ZNF320: variants seen among roughly 807,000 people sequenced by gnomAD.
ZNF320 encodes the protein zinc finger protein 320, also known as zinc finger gene 320.
A neutral mutation model predicts 6.8 loss-of-function variants in ZNF320; 2 were observed. The observed-to-expected ratio is 0.29, with a 90% confidence interval of 0.12 to 0.93. ZNF320 has a LOEUF of 0.93. Ranked by LOEUF, ZNF320 falls within the 40% of genes least tolerant of loss-of-function variation. The pLI is 0.55. For missense variants in ZNF320, 472 were observed against 611.0 expected (o/e 0.77, Z 2.40); for synonymous variants, 208 against 203.2 (o/e 1.02, Z -0.20).
At chr19:52,883,411 T>G (rs1190253115) in intron 5 of ZNF320, among the ~76,000 whole-genome samples, 1 of 151,986 alleles carries the variant, frequency 6.6e-6, no homozygotes, top group African/African-American at 2.4e-5. Context: ...GAATACCACA[T>G]ACCAAAAACT....
In ZNF320 at chr19:52,880,932, C is replaced by T. The variant is rs6509701; in HGVS notation, c.1194G>A (p.Ala398=). ...GAAGTTTTTGATGACATGCGAGGTA[C>T]GCTTTTGTACTAAAAACCTTGCCAC... ...NECGKVFSTK[A]YLACHQKLHT... Residue 398 remains alanine (A), a synonymous_variant, in exon 6 of 6, where the codon GCG becomes GCA. Transcript: ENST00000682928. 0.68 allele frequency: 1,092,646 copies of T among 1,613,686 alleles called. 374,867 individuals carry two copies. Among genetic ancestry groups the T allele is most frequent in the Non-Finnish European group, 0.7 (828,715 of 1,179,892 alleles).
At chr19:52,898,401 CG>C (rs779917859), upstream of ZNF320, among the ~76,000 whole-genome samples, 6 of 152,136 alleles carry the variant, frequency 3.9e-5, no homozygotes, top group African/African-American at 7.2e-5. Context: ...GCCGCAAGAC[CG>C]CTGAGCCCGG....
intron 5 of ZNF320, chr19:52,865,470 T>TATATATATATGTAA (rs1414636050): frequency 4.5e-4 from 18 of 40,334 alleles, no homozygotes; most frequent in African/African-American, 1.8e-3. Context: ...TATATATATA[T>TATATATATATGTAA]TACATATATA....
chr19:52,899,383 TAGTA>T (rs372551351), upstream of ZNF320, among the ~76,000 whole-genome samples: 408 of 152,158 alleles, frequency 2.7e-3, 3 homozygotes, highest in African/African-American at 9.1e-3. Flanking sequence ...AGACAACAAT[TAGTA>T]AGGTTAAATT....
downstream of ZNF320, among the ~76,000 whole-genome samples, chr19:52,860,297 G>T (rs1401570946): frequency 6.6e-6 from 1 of 152,012 alleles, no homozygotes. Flanking sequence ...TTATTATTTT[G>T]TTGATTTAAA....
downstream of ZNF320, among the ~76,000 whole-genome samples, chr19:52,871,838 A>C (rs2063685899): frequency 1.3e-5 from 2 of 152,198 alleles, no homozygotes; most frequent in Non-Finnish European, 2.9e-5. Context: ...CCCATCCTTC[A>C]ACATCTGCAG....
In ZNF320 at chr19:52,879,057, T is replaced by C. The variant is rs1441639220; in HGVS notation, c.*1539A>G. On this transcript the variant is annotated 3_prime_UTR_variant, in exon 6 of 6. Transcript: ENST00000682928. ...TACATTGCCTTGATTGAGTCTCTTT[T>C]CAAACTCATGTCTTACCCATCTGAG... 1 of 152,200 alleles carries C rather than the reference T, an allele frequency of 6.6e-6. No homozygotes were observed. Among genetic ancestry groups the C allele is most frequent in the Admixed American group, 6.5e-5 (1 of 15,278 alleles). The allele number at this position is 152,200 out of a possible 1,614,324, so 9.4% of individuals were successfully genotyped here. A position where few individuals can be genotyped will look rare whatever the true frequency, so the allele number is the denominator to read the frequency against.
rs8100138 is a variant in ZNF320 at position 52,887,946 on chromosome 19, C to T, written c.142+181G>A. Among the ~76,000 whole-genome samples the T allele has an allele frequency of 5.3e-3, 753 of 141,212 alleles. 6 individuals carry two copies. Among genetic ancestry groups the T allele is most frequent in the African/African-American group, 0.018 (670 of 37,106 alleles). The allele number at this position is 141,212 out of a possible 152,430, so 92.6% of individuals were successfully genotyped here. ...ACCCACATTGAGGTATCATGAAGAA[C>T]GCAGAACATCTAAACAAAGGGGACA... On this transcript the variant is annotated intron_variant, in intron 5 of 5. Coordinates refer to ENST00000682928, the MANE Select transcript of ZNF320 (RefSeq NM_001351774.2).
At chr19:52,875,651 T>C (rs2063752998), downstream of ZNF320, among the ~76,000 whole-genome samples, 1 of 152,032 alleles carries the variant, frequency 6.6e-6, no homozygotes, top group African/African-American at 2.4e-5. Flanking sequence ...CGTGGTGGTG[T>C]GCATCTGTGG....
chr19:52,896,671 C>T (rs1025742636), intron 1 of ZNF320, among the ~76,000 whole-genome samples: 2 of 151,948 alleles, frequency 1.3e-5, no homozygotes, highest in African/African-American at 2.4e-5. Context: ...ATCCTGTCAC[C>T]GCTCTCCCGC....
In ZNF320 at chr19:52,881,243, G is replaced by C; in HGVS notation, c.883C>G (p.His295Asp). Residue 295 changes from histidine to aspartate, a missense_variant, in exon 6 of 6, where the codon CAT (histidine) becomes GAT (aspartate). Physicochemically the swap from His to Asp is moderately conservative, Grantham distance 81 (BLOSUM62 -1). Coordinates refer to ENST00000682928, the MANE Select transcript of ZNF320 (RefSeq NM_001351774.2). ...NSVLVIHKAV[H>D]TAEKPYKCNE... ...CACTTATAGGGTTTCTCTGCAGTAT[G>C]AACTGCCTTATGAATTACGAGGACT... 1 of 1,614,152 alleles carries C rather than the reference G, an allele frequency of 6.2e-7. No individual in the cohort carries two copies. Among genetic ancestry groups the C allele is most frequent in the Non-Finnish European group, 8.5e-7 (1 of 1,180,028 alleles).
At chr19:52,874,747 T>C (rs764712391), downstream of ZNF320, among the ~76,000 whole-genome samples, 3 of 152,102 alleles carry the variant, frequency 2.0e-5, no homozygotes, top group Non-Finnish European at 4.4e-5. Flanking sequence ...TCATGTCATA[T>C]GGGGGCTGTG....
intron 5 of ZNF320, among the ~76,000 whole-genome samples, chr19:52,867,137 G>A (rs113883376): frequency 1.3e-5 from 2 of 152,078 alleles, no homozygotes; most frequent in Admixed American, 6.5e-5. Context: ...TGGTCTGGAT[G>A]TTCATATTGG....
At position 52,877,847 on chromosome 19, in the gene ZNF320, C is replaced by G. The variant is rs1374116505; in HGVS notation, c.*2749G>C. The G allele has an allele frequency of 6.6e-6, 1 of 150,602 alleles. No homozygotes were observed. Among genetic ancestry groups the G allele is most frequent in the African/African-American group, 2.5e-5 (1 of 40,244 alleles). 9.3% of individuals were successfully genotyped at this position (150,602 alleles called of 1,614,324 possible). A position where few individuals can be genotyped will look rare whatever the true frequency, so the allele number is the denominator to read the frequency against. ...GTAAAGTCCAAGGGTCTGTCATGAA[C>G]CGGGTTAGAGAAGATGAGAAAATTT... On this transcript the variant is annotated 3_prime_UTR_variant, in exon 6 of 6. Transcript: ENST00000682928.
chr19:52,865,188 C>T (rs766633580), intron 5 of ZNF320, among the ~76,000 whole-genome samples: 57 of 150,654 alleles, frequency 3.8e-4, no homozygotes, highest in Non-Finnish European at 7.4e-4. Context: ...TGGGTGTGGT[C>T]GTGGGCACCT....
chr19:52,860,036 C>T (rs2147755964), downstream of ZNF320, among the ~76,000 whole-genome samples: 1 of 152,028 alleles, frequency 6.6e-6, no homozygotes, highest in East Asian at 1.9e-4. Context: ...CCTCAGCCTC[C>T]AGAGTAGCTG....
chr19:52,898,721 G>T (rs1246864903), upstream of ZNF320, among the ~76,000 whole-genome samples: 1 of 152,202 alleles, frequency 6.6e-6, no homozygotes, highest in African/African-American at 2.4e-5. Context: ...CGAGCAGGCG[G>T]TACGTGACAG....
chr19:52,860,632 C>T (rs1486816928), downstream of ZNF320, among the ~76,000 whole-genome samples: 1 of 150,278 alleles, frequency 6.7e-6, no homozygotes, highest in Non-Finnish European at 1.5e-5. Flanking sequence ...AAAAGCTATT[C>T]TTGGTATTTT....
chr19:52,901,756 TA>T (rs2147916975), upstream of ZNF320, among the ~76,000 whole-genome samples: 1 of 152,352 alleles, frequency 6.6e-6, no homozygotes, highest in East Asian at 1.9e-4. Flanking sequence ...ATGTTTTGCC[TA>T]AGAGTTAGCT....
Sources: gnomAD v4.1 joint callset for allele counts (sites outside exome capture counted in the v4.1 genomes callset) on GRCh38, gnomAD v4.1.1 for gene constraint, MANE v1.5 for transcripts, NCBI Gene and HGNC (gene_info 2026-07-23, HGNC 2026-07-21) for gene names.